Variants in GNB1 observed in about 807,000 individuals in gnomAD.
GNB1 encodes G protein subunit beta 1.
GNB1 carries 2 observed loss-of-function variants against 42.9 expected under a neutral mutation model. The ratio of observed to expected loss-of-function variants is 0.05; its 90% CI spans 0.02 to 0.15. The LOEUF (loss-of-function observed/expected upper bound fraction) is 0.15, where lower values mean the gene tolerates loss of function less well. Ranked by LOEUF, GNB1 falls within the 10% of genes least tolerant of loss-of-function variation. GNB1 has a pLI of 1.00. For missense variants in GNB1, 193 were observed against 462.2 expected, an observed-to-expected ratio of 0.42 and a Z score of 5.34; for synonymous variants, 183 against 174.7, an observed-to-expected ratio of 1.05 and a Z score of -0.38.
intron 2 of GNB1, among the ~76,000 whole-genome samples, chr1:1,828,925 C>A (rs1647037122): frequency 6.6e-6 from 1 of 151,766 alleles, no homozygotes; most frequent in Admixed American, 6.6e-5. Context: ...TTTTTGTTAG[C>A]AATAAAAATA....
chr1:1,829,305 C>G (rs1410456531), intron 2 of GNB1, among the ~76,000 whole-genome samples: 1 of 152,218 alleles, frequency 6.6e-6, no homozygotes, highest in Non-Finnish European at 1.5e-5. Context: ...ATCCGCCCGC[C>G]TCGGCCTCCC....
At chr1:1,834,790 T>C (rs957083267) in intron 2 of GNB1, among the ~76,000 whole-genome samples, 1 of 150,738 alleles carries the variant, frequency 6.6e-6, no homozygotes, top group African/African-American at 2.4e-5. Context: ...TGCCTCAGCC[T>C]CCCAAGTAGC....
Position 1,885,174 on chromosome 1 carries a change from A to T in GNB1, c.-96+5646T>A, listed in dbSNP as rs138925252. Reference sequence around the variant, plus strand: ...ACACCTGTAATCCCAGCACTTTGGGAGGCGGAGGCGGGCGGATCACTTGAG... The same window carrying T: ...ACACCTGTAATCCCAGCACTTTGGGTGGCGGAGGCGGGCGGATCACTTGAG... On this transcript the variant is annotated intron_variant, in intron 1 of 11. Transcript: ENST00000378609. Among the ~76,000 whole-genome samples the T allele has an allele frequency of 3.6e-3, 551 of 151,592 alleles. 6 individuals are homozygous for T. The highest frequency in any genetic ancestry group is 0.012 in the African/African-American group (514 of 41,402).
intron 1 of GNB1, among the ~76,000 whole-genome samples, chr1:1,861,733 C>T (rs1648641180): frequency 6.6e-6 from 1 of 152,040 alleles, no homozygotes; most frequent in African/African-American, 2.4e-5. Context: ...CCAGTTAGAG[C>T]TCAAACTGGA....
chr1:1,857,100 T>C (rs1648346728), intron 1 of GNB1, among the ~76,000 whole-genome samples: 1 of 152,214 alleles, frequency 6.6e-6, no homozygotes, highest in African/African-American at 2.4e-5. Flanking sequence ...ATTAACTACA[T>C]CTTTTAGGAA....
chr1:1,883,335 G>A (rs891110665), intron 1 of GNB1, among the ~76,000 whole-genome samples: 1 of 151,760 alleles, frequency 6.6e-6, no homozygotes, highest in Non-Finnish European at 1.5e-5. Flanking sequence ...ATAAGGATGT[G>A]AGAGATTTAG....
intron 1 of GNB1, among the ~76,000 whole-genome samples, chr1:1,862,655 C>T (rs1648698692): frequency 2.0e-5 from 3 of 151,812 alleles, no homozygotes; most frequent in African/African-American, 4.8e-5. Flanking sequence ...GACAGGGTTT[C>T]CCCCATGTTG....
intron 8 of GNB1, among the ~76,000 whole-genome samples, chr1:1,792,041 C>CA (rs1038098549): frequency 7.9e-5 from 12 of 151,700 alleles, no homozygotes; most frequent in African/African-American, 2.2e-4. Context: ...CTCCTGCCAC[C>CA]AAATCATGCC....
intron 1 of GNB1, among the ~76,000 whole-genome samples, chr1:1,856,105 C>T (rs1490728041): frequency 3.9e-5 from 6 of 152,210 alleles, no homozygotes. Flanking sequence ...TCACTGCAGC[C>T]TCAAATTCCT....
intron 1 of GNB1, among the ~76,000 whole-genome samples, chr1:1,873,198 C>A (rs1649344837): frequency 6.6e-6 from 1 of 152,340 alleles, no homozygotes; most frequent in African/African-American, 2.4e-5. Context: ...GCACTCCTGG[C>A]CTATGCTAGG....
chr1:1,811,491 G>A (rs536866795), intron 5 of GNB1, among the ~76,000 whole-genome samples: 13 of 151,972 alleles, frequency 8.6e-5, no homozygotes, highest in Admixed American at 2.0e-4. Context: ...TCATGAGATC[G>A]AGACCACCCT....
chr1:1,843,980 G>T, intron 1 of GNB1, among the ~76,000 whole-genome samples: 1 of 152,124 alleles, frequency 6.6e-6, no homozygotes, highest in Non-Finnish European at 1.5e-5. Flanking sequence ...CGGATCACGA[G>T]GTCAGGAGAT....
chr1:1,795,646 G>A (rs575442603), intron 7 of GNB1, among the ~76,000 whole-genome samples: 1 of 152,188 alleles, frequency 6.6e-6, no homozygotes, highest in South Asian at 2.1e-4. Flanking sequence ...CCAGCTACTC[G>A]AGAGGCTGAG....
chr1:1,889,659 TA>T lies in GNB1; in HGVS notation c.-96+1160del, dbSNP rs35173217. Among the ~76,000 whole-genome samples the T allele has an allele frequency of 7.7e-3, 882 of 115,270 alleles. 3 individuals are homozygous for T. The highest frequency in any genetic ancestry group is 0.032 in the East Asian group (131 of 4,036). 75.6% of individuals were successfully genotyped at this position (115,270 alleles called of 152,430 possible). On this transcript the variant is annotated intron_variant, in intron 1 of 11. Transcript: ENST00000378609. Reference sequence around the variant, plus strand: ...TCTTTTACAAAGAGATCCCATCTCTTAAAAAAAAAAAAAAAAAAGGCTTCCA... The same window carrying T: ...TCTTTTACAAAGAGATCCCATCTCTTAAAAAAAAAAAAAAAAAGGCTTCCA...
chr1:1,852,868 A>T (rs1648067425), intron 1 of GNB1, among the ~76,000 whole-genome samples: 1 of 151,756 alleles, frequency 6.6e-6, no homozygotes, highest in African/African-American at 2.4e-5. Flanking sequence ...TGAACCCTCA[A>T]CTGGTTCTTT....
intron 2 of GNB1, among the ~76,000 whole-genome samples, chr1:1,827,885 G>A (rs1386759521): frequency 2.6e-5 from 4 of 152,090 alleles, no homozygotes; most frequent in East Asian, 1.9e-4. Flanking sequence ...GAAGTACCCC[G>A]AATTAAACTG....
chr1:1,805,368 G>A (rs937238606), intron 6 of GNB1, among the ~76,000 whole-genome samples: 7 of 151,292 alleles, frequency 4.6e-5, no homozygotes, highest in African/African-American at 1.7e-4. Context: ...GGCTGAAGCA[G>A]GAGAGTCGCT....
Position 1,785,930 on chromosome 1 carries a change from G to T in GNB1, c.*1133C>A. The T allele has an allele frequency of 2.5e-6, 1 of 398,918 alleles. No individual in the cohort carries two copies. The highest frequency in any genetic ancestry group is 1.3e-4 in the South Asian group (1 of 7,850). 24.7% of individuals were successfully genotyped at this position (398,918 alleles called of 1,614,324 possible). On this transcript the variant is annotated 3_prime_UTR_variant, in exon 12 of 12. Transcript: ENST00000378609. Reference sequence around the variant, plus strand: ...AACGAGAAGTGGACAGAGCCGCAATGGTTACAACTGTAAGAGGTTATTTCT... The same window carrying T: ...AACGAGAAGTGGACAGAGCCGCAATTGTTACAACTGTAAGAGGTTATTTCT...
At chr1:1,836,841 G>A (rs1027414682) in intron 2 of GNB1, among the ~76,000 whole-genome samples, 5 of 149,962 alleles carry the variant, frequency 3.3e-5, no homozygotes, top group Non-Finnish European at 4.4e-5. Flanking sequence ...GTGAGCCACC[G>A]TGCCCGACTG....
Sources: allele counts gnomAD v4.1 joint callset (sites outside exome capture counted in the v4.1 genomes callset), GRCh38; gene constraint gnomAD v4.1.1; transcripts MANE v1.5; gene names NCBI Gene and HGNC (gene_info 2026-07-23, HGNC 2026-07-21).